CNTNAP4: variants seen among roughly 807,000 people sequenced by gnomAD.
CNTNAP4 encodes contactin associated protein family member 4.
CNTNAP4 carries 98 observed loss-of-function variants against 148.4 expected under a neutral mutation model. The observed-to-expected ratio is 0.66, with a 90% CI of 0.56 to 0.78. The LOEUF is 0.78. CNTNAP4 is among the 30% of genes least tolerant of loss of function. The probability of loss-of-function intolerance (pLI) is 0.00; values close to 1 mark genes in which losing one functional copy is unlikely to be tolerated. For synonymous variants in CNTNAP4, 730 were observed against 565.1 expected (o/e 1.29, Z -4.14); for missense variants, 1,935 against 1,565.6 (o/e 1.24, Z -3.98).
At chr16:76,487,126 T>A (rs1198310147) in intron 12 of CNTNAP4, among the ~76,000 whole-genome samples, 2 of 152,218 alleles carry the variant, frequency 1.3e-5, no homozygotes, top group Admixed American at 1.3e-4. Flanking sequence ...TATTTAGCAA[T>A]TCTATTAGTT....
chr16:76,464,584 G>A (rs1470679552), intron 9 of CNTNAP4, among the ~76,000 whole-genome samples: 1 of 152,152 alleles, frequency 6.6e-6, no homozygotes, highest in Non-Finnish European at 1.5e-5. Context: ...AAGTTACTCC[G>A]TGTTGTGAGA....
At chr16:76,470,495 A>ATATATATT (rs546770074) in intron 10 of CNTNAP4, among the ~76,000 whole-genome samples, 2 of 133,944 alleles carry the variant, frequency 1.5e-5, no homozygotes, top group Non-Finnish European at 1.5e-5. Flanking sequence ...ATATATATAT[A>ATATATATT]TAAAATTAGT....
intron 3 of CNTNAP4, among the ~76,000 whole-genome samples, chr16:76,387,105 CAG>C (rs1479331172): frequency 1.3e-5 from 2 of 152,128 alleles, no homozygotes; most frequent in African/African-American, 4.8e-5. Context: ...AAACCTGTGT[CAG>C]ATTTTTGGAC....
intron 8 of CNTNAP4, among the ~76,000 whole-genome samples, chr16:76,460,571 C>T (rs1189500318): frequency 6.9e-6 from 1 of 145,648 alleles, no homozygotes; most frequent in Middle Eastern, 3.5e-3. Flanking sequence ...ACCATCCTGG[C>T]TAACACGGTG....
chr16:76,520,090 T>A (rs1219665989), intron 15 of CNTNAP4, among the ~76,000 whole-genome samples: 2 of 152,144 alleles, frequency 1.3e-5, no homozygotes, highest in Non-Finnish European at 2.9e-5. Context: ...TTTATCCATG[T>A]AGGTAATGTG....
At chr16:76,352,971 G>A (rs2012030614) in intron 2 of CNTNAP4, among the ~76,000 whole-genome samples, 1 of 152,152 alleles carries the variant, frequency 6.6e-6, no homozygotes, top group African/African-American at 2.4e-5. Context: ...CCATGTCTAT[G>A]CAACAAGCCC....
intron 19 of CNTNAP4, among the ~76,000 whole-genome samples, chr16:76,538,813 T>TG (rs1020027234): frequency 6.6e-6 from 1 of 151,980 alleles, no homozygotes; most frequent in Non-Finnish European, 1.5e-5. Flanking sequence ...AAAATCATCA[T>TG]GGGAAAAAAA....
intron 2 of CNTNAP4, among the ~76,000 whole-genome samples, chr16:76,337,774 G>C (rs1167780182): frequency 6.6e-6 from 1 of 152,096 alleles, no homozygotes; most frequent in Non-Finnish European, 1.5e-5. Flanking sequence ...GCCGTCCATA[G>C]ACCTACCCCT....
chr16:76,527,086 C>T (rs1274395497), intron 17 of CNTNAP4, among the ~76,000 whole-genome samples: 3 of 152,122 alleles, frequency 2.0e-5, no homozygotes, highest in African/African-American at 7.2e-5. Flanking sequence ...TACCACAAGC[C>T]ATAAGCTTGC....
intron 15 of CNTNAP4, among the ~76,000 whole-genome samples, chr16:76,502,420 G>A (rs542186095): frequency 4.7e-4 from 71 of 150,300 alleles, no homozygotes; most frequent in African/African-American, 1.7e-3. Flanking sequence ...GACAGATATA[G>A]GACTAACAGA....
At chr16:76,464,407 C>A (rs2081100200) in intron 9 of CNTNAP4, among the ~76,000 whole-genome samples, 1 of 152,146 alleles carries the variant, frequency 6.6e-6, no homozygotes, top group African/African-American at 2.4e-5. Context: ...AGCTGAACGA[C>A]CTTCATCCTG....
At chr16:76,500,704 C>T (rs1453120098) in intron 15 of CNTNAP4, among the ~76,000 whole-genome samples, 2 of 151,310 alleles carry the variant, frequency 1.3e-5, no homozygotes, top group African/African-American at 4.9e-5. Flanking sequence ...TGCATTAACA[C>T]CTTAAACCAG....
intron 21 of CNTNAP4, among the ~76,000 whole-genome samples, chr16:76,541,751 A>C (rs939517079): frequency 6.6e-6 from 1 of 152,236 alleles, no homozygotes; most frequent in Non-Finnish European, 1.5e-5. Flanking sequence ...ATAAATATTT[A>C]CAGGCTTTCA....
At chr16:76,539,975 T>C (rs2084380556) in intron 20 of CNTNAP4, 123 bp downstream of exon 20, 1 of 670,844 alleles carries the variant, frequency 1.5e-6, no homozygotes, top group African/African-American at 1.9e-5. Context: ...CTTCTGCAGA[T>C]AATAGACCTC....
At chr16:76,496,672 G>A (rs1218483918) in intron 14 of CNTNAP4, among the ~76,000 whole-genome samples, 1 of 152,094 alleles carries the variant, frequency 6.6e-6, no homozygotes, top group Non-Finnish European at 1.5e-5. Flanking sequence ...TTGTGATAAG[G>A]CTGTGATTTA....
intron 23 of CNTNAP4, chr16:76,558,274 G>A: frequency 2.2e-6 from 1 of 454,208 alleles, no homozygotes; most frequent in Non-Finnish European, 3.9e-6. Flanking sequence ...CATAATAAAT[G>A]TAGGTGAACC....
intron 23 of CNTNAP4, among the ~76,000 whole-genome samples, chr16:76,554,897 G>C (rs529560420): frequency 1.3e-5 from 2 of 151,980 alleles, no homozygotes; most frequent in African/African-American, 4.8e-5. Flanking sequence ...GCTTCTTAAA[G>C]TTGGTTTTGT....
chr16:76,399,691 A>G (rs900168519), intron 3 of CNTNAP4, among the ~76,000 whole-genome samples: 4 of 152,212 alleles, frequency 2.6e-5, no homozygotes, highest in Admixed American at 2.0e-4. Flanking sequence ...ACATATCATT[A>G]AAAACTGGTA....
intron 3 of CNTNAP4, among the ~76,000 whole-genome samples, chr16:76,405,959 A>G (rs1045354884): frequency 2.6e-5 from 4 of 152,010 alleles, no homozygotes; most frequent in Admixed American, 1.3e-4. Flanking sequence ...GCTCACACCT[A>G]TAATCCACCA....
Sources: allele counts gnomAD v4.1 joint callset (sites outside exome capture counted in the v4.1 genomes callset), GRCh38; gene constraint gnomAD v4.1.1; transcripts MANE v1.5; gene names NCBI Gene and HGNC (gene_info 2026-07-23, HGNC 2026-07-21).